The following DENND2D variants were observed in gnomAD, a reference collection of about 807,000 sequenced individuals.
The protein encoded by DENND2D is DENN domain-containing protein 2D.
A neutral mutation model predicts 59.8 loss-of-function variants in DENND2D; 37 were observed. That is an observed-to-expected ratio of 0.62 (90% CI 0.48 to 0.81). The LOEUF (loss-of-function observed/expected upper bound fraction) is 0.81, where lower values mean the gene tolerates loss of function less well. Among genes scored for constraint, DENND2D ranks in the 40% least tolerant of loss-of-function variants. DENND2D has a pLI of 0.00. For missense variants in DENND2D, 525 were observed against 579.7 expected (o/e 0.91, Z 0.97); for synonymous variants, 219 against 211.3 (o/e 1.04, Z -0.31).
Position 111,187,345 on chromosome 1 carries a change from T to C in DENND2D, c.*260A>G, listed in dbSNP as rs766744514. 4.1e-6 allele frequency: 2 copies of C among 487,498 alleles called. No homozygotes were observed. The highest frequency in any genetic ancestry group is 4.9e-5 in the South Asian group (2 of 40,956). 30.2% of individuals were successfully genotyped at this position (487,498 alleles called of 1,614,324 possible). A position where few individuals can be genotyped will look rare whatever the true frequency, so the allele number is the denominator to read the frequency against. On this transcript the variant is annotated 3_prime_UTR_variant, in exon 12 of 12. Transcript: ENST00000357640. ...TGTCTACAACACATGTACTACTGTT[T>C]CCTACCTGTGTCACCTCTGCAAAAA...
At chr1:111,200,237 A>T in intron 1 of DENND2D, 156 bp downstream of exon 1, 1 of 1,007,208 alleles carries the variant, frequency 9.9e-7, no homozygotes, top group Non-Finnish European at 1.5e-6. Flanking sequence ...ACCAGCTCTT[A>T]AAAACCAGCA....
chr1:111,192,064 C>A, intron 8 of DENND2D, 76 bp downstream of exon 8: 1 of 1,369,466 alleles, frequency 7.3e-7, no homozygotes, highest in Non-Finnish European at 9.8e-7. Context: ...AATCACACAG[C>A]TGTAAGCAGC....
chr1:111,200,410 A>G lies in DENND2D; in HGVS notation c.50T>C (p.Leu17Pro). 1 of 1,612,592 alleles carries G rather than the reference A, an allele frequency of 6.2e-7. No homozygotes were observed. The highest frequency in any genetic ancestry group is 1.7e-5 in the Admixed American group (1 of 59,952). Residue 17 changes from leucine (L) to proline (P), a missense_variant, in exon 1 of 12, where the codon CTG becomes CCG. Physicochemically the swap from Leu to Pro is moderately conservative, Grantham distance 98 (BLOSUM62 -3). Coordinates refer to ENST00000357640, the MANE Select transcript of DENND2D (RefSeq NM_024901.5). Reference sequence around the variant, plus strand: ...GTCCTGACCTGCTCGGAGTTGAAGCAGTCGGCGTTGGAAGAGCCTGAACAC... The same window carrying G: ...GTCCTGACCTGCTCGGAGTTGAAGCGGTCGGCGTTGGAAGAGCCTGAACAC... ...GRVFRLFQRR[L>P]LQLRAGPPQD... is the part of the protein sequence containing the mutation.
Position 111,188,346 on chromosome 1 carries a change from A to G in DENND2D, c.1124T>C (p.Val375Ala). Residue 375 changes from valine to alanine, a missense_variant, in exon 11 of 12, where the codon GTT (valine) becomes GCT (alanine). By Grantham distance (64) the Val-to-Ala change is moderately conservative (BLOSUM62 0). Around this residue, in one of 3 missense-constraint regions of DENND2D, gnomAD observed 225 missense variants for 252.4 expected, o/e 0.89. Coordinates refer to ENST00000357640, the MANE Select transcript of DENND2D (RefSeq NM_024901.5). Reference protein sequence around the residue: ...LKTAEQINEHVSGPFVQFFVK... With the variant: ...LKTAEQINEHASGPFVQFFVK... ...AAAGAACTGCACAAAGGGGCCTGAAACATGCTCGTTGATTTGTTCTGCAGC... is the reference window on the plus strand; with the variant it reads ...AAAGAACTGCACAAAGGGGCCTGAAGCATGCTCGTTGATTTGTTCTGCAGC... 5 of 1,613,940 alleles carry G rather than the reference A, an allele frequency of 3.1e-6. No homozygotes were observed. Among genetic ancestry groups the G allele is most frequent in the East Asian group, 2.2e-5 (1 of 44,876 alleles).
chr1:111,204,400 GC>G, upstream of DENND2D: 9 of 1,352,058 alleles, frequency 6.7e-6, no homozygotes, highest in South Asian at 1.8e-5. Context: ...CGCTGGCCCC[GC>G]CCCCCTATCC....
At position 111,188,848 on chromosome 1, in the gene DENND2D, A is replaced by T. The variant is rs1571171267; in HGVS notation, c.1015-62T>A. The T allele has an allele frequency of 4.1e-6, 6 of 1,449,184 alleles. No homozygotes were observed. The East Asian group carries it at 1.1e-4, about 28-fold the overall frequency. 89.8% of individuals were successfully genotyped at this position (1,449,184 alleles called of 1,614,324 possible). On this transcript the variant is annotated intron_variant, in intron 9 of 11. Transcript: ENST00000357640. Reference sequence around the variant, plus strand: ...GAAGTGTGGAGTGAAGGTGGTTGGCAGAAAAGCATAAGGAGGGCATGAATT... The same window carrying T: ...GAAGTGTGGAGTGAAGGTGGTTGGCTGAAAAGCATAAGGAGGGCATGAATT...
In DENND2D at chr1:111,199,640, T is replaced by G; in HGVS notation, c.226A>C (p.Thr76Pro). The G allele has an allele frequency of 6.2e-7, 1 of 1,613,514 alleles. No homozygotes were observed. Among genetic ancestry groups the G allele is most frequent in the Non-Finnish European group, 8.5e-7 (1 of 1,179,720 alleles). ...RSEDDYEPII[T>P]YQFPKRENLL... is the part of the protein sequence containing the mutation. ...GTCCTTACCTTGGGAAATTGGTAGG[T>G]GATTATAGGCTCGTAATCATCCTCT... Residue 76 changes from threonine (T) to proline (P), a missense_variant, in exon 2 of 12, where the codon ACC becomes CCC. Transcript: ENST00000357640.
At chr1:111,200,689 C>G (rs1166225188), upstream of DENND2D, 10 of 1,313,828 alleles carry the variant, frequency 7.6e-6, no homozygotes, top group Non-Finnish European at 9.8e-6. Flanking sequence ...CCAACAGAGT[C>G]AGCATCCTGG....
chr1:111,197,481 G>GA (rs2101491305), intron 4 of DENND2D: 1 of 1,406,866 alleles, frequency 7.1e-7, no homozygotes, highest in South Asian at 1.6e-5. Flanking sequence ...ACAATCTGGG[G>GA]TCAGCAAAGA....
rs1240904844 is a variant in DENND2D at position 111,198,640 on chromosome 1, C to T, written c.346G>A (p.Glu116Lys). The T allele has an allele frequency of 1.9e-6, 3 of 1,613,722 alleles. No homozygotes were observed. Among genetic ancestry groups the T allele is most frequent in the Admixed American group, 1.7e-5 (1 of 60,000 alleles). Residue 116 changes from glutamate (E) to lysine (K), a missense_variant, in exon 3 of 12, where the codon GAG becomes AAG. Physicochemically the swap from Glu to Lys is moderately conservative, Grantham distance 56. Around this residue, in one of 3 missense-constraint regions of DENND2D, gnomAD observed 253 missense variants for 246.4 expected, o/e 1.03. Transcript: ENST00000357640. Reference protein sequence around the residue: ...PDGNEWASLTEYPRETFSFVL... With the variant: ...PDGNEWASLTKYPRETFSFVL... ...GGGCTGAGCAATTACCTGGGATACTCGGTGAGTGATGCCCACTCATTCCCA... is the reference window on the plus strand; with the variant it reads ...GGGCTGAGCAATTACCTGGGATACTTGGTGAGTGATGCCCACTCATTCCCA...
chr1:111,203,408 C>G (rs1255388244), upstream of DENND2D, among the ~76,000 whole-genome samples: 2 of 152,206 alleles, frequency 1.3e-5, no homozygotes, highest in African/African-American at 4.8e-5. Context: ...GCTCTTTGCT[C>G]CTCAGACAGT....
At chr1:111,201,957 G>A (rs1658847415), upstream of DENND2D, among the ~76,000 whole-genome samples, 1 of 152,222 alleles carries the variant, frequency 6.6e-6, no homozygotes, top group Non-Finnish European at 1.5e-5. Flanking sequence ...CTTACCACCT[G>A]TTTGAGGAAC....
upstream of DENND2D, chr1:111,204,563 T>C: frequency 2.2e-6 from 1 of 456,808 alleles, no homozygotes; most frequent in Non-Finnish European, 3.7e-6. Flanking sequence ...CAGGGCAGCG[T>C]GGGGTGGAAG....
Position 111,188,127 on chromosome 1 carries a change from G to T in DENND2D, c.1339+4C>A. On this transcript the variant is annotated splice_donor_region_variant and intron_variant, in intron 11 of 11. Coordinates refer to ENST00000357640, the MANE Select transcript of DENND2D (RefSeq NM_024901.5). ...GCTTAGACTGATGGGGACTGTTACTGTACCTGCAGGAGGATTCTTGCTCTT... is the reference window on the plus strand; with the variant it reads ...GCTTAGACTGATGGGGACTGTTACTTTACCTGCAGGAGGATTCTTGCTCTT... 1 of 1,614,136 alleles carries T rather than the reference G, an allele frequency of 6.2e-7. No individual in the cohort carries two copies. Among genetic ancestry groups the T allele is most frequent in the South Asian group, 1.1e-5 (1 of 91,084 alleles).
chr1:111,190,105 G>A lies in DENND2D; in HGVS notation c.973-852C>T, dbSNP rs569123740. On this transcript the variant is annotated intron_variant, in intron 8 of 11. Coordinates refer to ENST00000357640, the MANE Select transcript of DENND2D (RefSeq NM_024901.5). ...CGTGAACCCGGGAGGCGGAGCTTGC[G>A]GTGAGCCGAGATCGCGCCACTGCAC... Among the ~76,000 whole-genome samples, 246 of 150,584 alleles carry A rather than the reference G, an allele frequency of 1.6e-3. 2 individuals are homozygous for A. The highest frequency in any genetic ancestry group is 4.3e-3 in the African/African-American group (177 of 40,908).
At chr1:111,204,573 G>A, upstream of DENND2D, 2 of 422,370 alleles carry the variant, frequency 4.7e-6, no homozygotes, top group Non-Finnish European at 8.1e-6. Flanking sequence ...TGGGGTGGAA[G>A]AGGGCGCTCG....
intron 6 of DENND2D, chr1:111,195,043 G>A: frequency 3.0e-6 from 1 of 334,266 alleles, no homozygotes; most frequent in East Asian, 5.5e-5. Context: ...CCCTCCTCCT[G>A]CACTGCTCTG....
intron 3 of DENND2D, 137 bp downstream of exon 3, chr1:111,198,493 G>GT: frequency 1.2e-6 from 1 of 812,824 alleles, no homozygotes. Flanking sequence ...CAGGCCAGAT[G>GT]TTTTCAAACA....
Position 111,187,591 on chromosome 1 carries a change from A to C in DENND2D, c.*14T>G, listed in dbSNP as rs1179998624. On this transcript the variant is annotated 3_prime_UTR_variant, in exon 12 of 12. Coordinates refer to ENST00000357640, the MANE Select transcript of DENND2D (RefSeq NM_024901.5). The stretch of plus-strand genomic sequence containing the variant: ...ATGGTGTGTAGCTCTAGTCATTCTT[A>C]TTCACCACAGCTCTTATTTCACAGT... The C allele has an allele frequency of 6.2e-7, 1 of 1,608,752 alleles. No homozygotes were observed.
Sources: gnomAD v4.1 joint callset for allele counts (sites outside exome capture counted in the v4.1 genomes callset) on GRCh38, gnomAD v4.1.1 for gene constraint, gnomAD v4.1.1 regional missense constraint, MANE v1.5 for transcripts, NCBI Gene and HGNC (gene_info 2026-07-23, HGNC 2026-07-21) for gene names.